The following HEXB variants were observed in gnomAD, a reference collection of about 807,000 sequenced individuals.
HEXB encodes the protein beta-hexosaminidase subunit beta.
Under a neutral mutation model 71.2 loss-of-function variants are expected in HEXB, and 51 were observed. The ratio of observed to expected loss-of-function variants is 0.72; its 90% CI spans 0.57 to 0.90. The LOEUF (loss-of-function observed/expected upper bound fraction) is 0.90. Among genes scored for constraint, HEXB ranks in the 40% least tolerant of loss-of-function variants. The pLI is 0.00. For synonymous variants in HEXB, 266 were observed against 249.3 expected (o/e 1.07, Z -0.63); for missense variants, 617 against 677.0 (o/e 0.91, Z 0.98).
Position 74,718,185 on chromosome 5 carries a change from A to T in HEXB, c.1170-106A>T, listed in dbSNP as rs1464921285. 1.3e-5 allele frequency: 11 copies of T among 816,184 alleles called. No homozygotes were observed. The Admixed American group carries it at 2.1e-4, about 15-fold the overall frequency. The allele number at this position is 816,184 out of a possible 1,614,324, so 50.6% of individuals were successfully genotyped here. A position where few individuals can be genotyped will look rare whatever the true frequency, so the allele number is the denominator to read the frequency against. ...CTGCTATAAAGCTGAACTATACTAA[A>T]AGGCACCTCTCAAAATGCAAGAAAT... On this transcript the variant is annotated intron_variant, in intron 9 of 13. Transcript: ENST00000261416.
chr5:74,677,898 G>A (rs200604880), intron 1 of HEXB, among the ~76,000 whole-genome samples: 1,533 of 152,094 alleles, frequency 0.01, 14 homozygotes, highest in Non-Finnish European at 0.017. Flanking sequence ...ATATCGCTCT[G>A]TATGTGGAAG....
At chr5:74,661,804 T>G (rs1364887692) in intron 1 of HEXB, among the ~76,000 whole-genome samples, 1 of 152,202 alleles carries the variant, frequency 6.6e-6, no homozygotes, top group Non-Finnish European at 1.5e-5. Flanking sequence ...AGTGGATAGT[T>G]CATTTTCCAT....
At chr5:74,646,818 C>T (rs1580356603) in intron 1 of HEXB, among the ~76,000 whole-genome samples, 1 of 152,314 alleles carries the variant, frequency 6.6e-6, no homozygotes, top group Non-Finnish European at 1.5e-5. Flanking sequence ...ACACCCACCT[C>T]AGCCTCCCAA....
intron 1 of HEXB, among the ~76,000 whole-genome samples, chr5:74,667,286 G>A (rs573538715): frequency 6.6e-6 from 1 of 152,156 alleles, no homozygotes; most frequent in South Asian, 2.1e-4. Flanking sequence ...AGGCATGGTG[G>A]TGCATGCCTG....
chr5:74,643,713 A>G (rs563009050), intron 1 of HEXB, among the ~76,000 whole-genome samples: 2 of 152,282 alleles, frequency 1.3e-5, no homozygotes, highest in Admixed American at 6.5e-5. Flanking sequence ...TTCCTAATTT[A>G]CACTTGGGCT....
intron 1 of HEXB, among the ~76,000 whole-genome samples, chr5:74,655,274 T>G (rs1406952041): frequency 6.6e-6 from 1 of 151,266 alleles, no homozygotes; most frequent in Non-Finnish European, 1.5e-5. Context: ...AACCAATACC[T>G]GGACAAACAT....
chr5:74,663,161 A>G (rs541578540), intron 1 of HEXB, among the ~76,000 whole-genome samples: 1 of 150,018 alleles, frequency 6.7e-6, no homozygotes, highest in Admixed American at 6.7e-5. Context: ...AATTACAAAG[A>G]TGACCTCTTT....
chr5:74,716,655 A>T lies in HEXB; in HGVS notation c.1151A>T (p.Glu384Val), dbSNP rs767621725. 8.1e-6 allele frequency: 13 copies of T among 1,603,760 alleles called. No individual in the cohort carries two copies. Among genetic ancestry groups the T allele is most frequent in the Non-Finnish European group, 8.5e-6 (10 of 1,172,880 alleles). ...TTTGGCACAGATTTTAAGAAACTAGAATCTTTCTACATTCAAAAGTAAGTT... is the reference window on the plus strand; with the variant it reads ...TTTGGCACAGATTTTAAGAAACTAGTATCTTTCTACATTCAAAAGTAAGTT... ...KGFGTDFKKL[E>V]SFYIQKVLDI... is the part of the protein sequence containing the mutation. Residue 384 changes from glutamate to valine, a missense_variant, in exon 9 of 14, where the codon GAA (glutamate) becomes GTA (valine). Glu to Val is a moderately radical substitution (Grantham distance 121, BLOSUM62 -2). Transcript: ENST00000261416.
chr5:74,649,789 A>G (rs1748069557), intron 1 of HEXB, among the ~76,000 whole-genome samples: 1 of 152,206 alleles, frequency 6.6e-6, no homozygotes, highest in African/African-American at 2.4e-5. Flanking sequence ...TCATTCTTTC[A>G]TTCTGGCACA....
intron 1 of HEXB, among the ~76,000 whole-genome samples, chr5:74,664,448 A>AAACAAAAAAAC (rs1748396398): frequency 7.9e-6 from 1 of 126,540 alleles, no homozygotes; most frequent in East Asian, 2.3e-4. Flanking sequence ...AAAAAAAAAA[A>AAACAAAAAAAC]AAAAACAGAG....
At chr5:74,682,600 G>T (rs1283463249), upstream of HEXB, among the ~76,000 whole-genome samples, 1 of 152,216 alleles carries the variant, frequency 6.6e-6, no homozygotes, top group African/African-American at 2.4e-5. Flanking sequence ...AGTATGCAAT[G>T]TGAAGTTGTA....
rs1035611821 is a variant in HEXB at position 74,689,828 on chromosome 5, C to T, written c.445+355C>T. On this transcript the variant is annotated intron_variant, in intron 2 of 13. Coordinates refer to ENST00000261416, the MANE Select transcript of HEXB (RefSeq NM_000521.4). ...ACATGAAAATGGCAGTAATTCTGTA[C>T]ATGTGCTTCTTGTATTTTTGTTGTA... 6.1e-5 allele frequency: 14 copies of T among 227,842 alleles called. 1 individual carries two copies. The highest frequency in any genetic ancestry group is 1.2e-4 in the Non-Finnish European group (14 of 115,894). The allele number at this position is 227,842 out of a possible 1,614,324, so 14.1% of individuals were successfully genotyped here.
In HEXB at chr5:74,652,271, C is replaced by T. The variant is rs745738199; in HGVS notation, c.-377+11713C>T. On this transcript the variant is annotated intron_variant, in intron 1 of 13. Transcript: ENST00000511181. The surrounding 1 kb of genome is among the most constrained non-coding windows in gnomAD (Gnocchi z 5.4). ...TCATGAGGAAACAGGGGCAATGATG[C>T]GTTTGAACTTGTGCAAGAATCCAGT... is the stretch of plus-strand genomic sequence containing the variant. Among the ~76,000 whole-genome samples, 17 of 152,160 alleles carry T rather than the reference C, an allele frequency of 1.1e-4. No homozygotes were observed. Among genetic ancestry groups the T allele is most frequent in the East Asian group, 5.8e-4 (3 of 5,192 alleles).
intron 1 of HEXB, among the ~76,000 whole-genome samples, chr5:74,647,321 T>C (rs565043012): frequency 6.6e-6 from 1 of 152,360 alleles, no homozygotes; most frequent in Non-Finnish European, 1.5e-5. Context: ...TGTCTGGGCA[T>C]GAAGAAGGGA....
intron 9 of HEXB, among the ~76,000 whole-genome samples, chr5:74,717,894 A>G (rs1749715806): frequency 6.6e-6 from 1 of 152,146 alleles, no homozygotes; most frequent in African/African-American, 2.4e-5. Context: ...GATTGTCAGT[A>G]ACTGTTACAT....
Position 74,720,282 on chromosome 5 carries a change from CAACCA to C in HEXB, c.1418-145_1418-141del, listed in dbSNP as rs1312978880. 8.7e-6 allele frequency: 6 copies of C among 690,710 alleles called. No homozygotes were observed. The African/African-American group carries it at 1.1e-4, about 12-fold the overall frequency. 42.8% of individuals were successfully genotyped at this position (690,710 alleles called of 1,614,324 possible). ...AGGAGGGGCCATCTTTTTTGTGCCA[CAACCA>C]TTAGCATCTCCCAAGGTCCTGCTAA... is the stretch of plus-strand genomic sequence containing the variant. On this transcript the variant is annotated intron_variant, in intron 11 of 13. Coordinates refer to ENST00000261416, the MANE Select transcript of HEXB (RefSeq NM_000521.4).
intron 11 of HEXB, 59 bp from the exon 12 acceptor site, chr5:74,720,369 A>G: frequency 8.2e-7 from 1 of 1,216,094 alleles, no homozygotes. Context: ...TCTTGATGAA[A>G]TATTGCCTCT....
chr5:74,686,259 G>GT (rs1488252273), intron 1 of HEXB, among the ~76,000 whole-genome samples: 1 of 152,150 alleles, frequency 6.6e-6, no homozygotes, highest in Non-Finnish European at 1.5e-5. Context: ...TGCAGACAGG[G>GT]TGAGTTTTGT....
chr5:74,685,380 G>C lies in HEXB; in HGVS notation c.120G>C (p.Ala40=). The C allele has an allele frequency of 6.3e-7, 1 of 1,591,966 alleles. No homozygotes were observed. The highest frequency in any genetic ancestry group is 8.5e-7 in the Non-Finnish European group (1 of 1,170,884). Residue 40 remains alanine (A), a synonymous_variant, in exon 1 of 14, where the codon GCG becomes GCC. Coordinates refer to ENST00000261416, the MANE Select transcript of HEXB (RefSeq NM_000521.4). ...AGGTGGCGCTGGTGGTGCAGGTGGC[G>C]GAGGCGGCTCGGGCCCCGAGCGTCT... The part of the protein sequence containing the change: ...LTQVALVVQV[A]EAARAPSVSA...
Sources: gnomAD v4.1 joint callset for allele counts (sites outside exome capture counted in the v4.1 genomes callset) on GRCh38, gnomAD v4.1.1 for gene constraint, Gnocchi (gnomAD v3.1) non-coding constraint, MANE v1.5 for transcripts, NCBI Gene and HGNC (gene_info 2026-07-23, HGNC 2026-07-21) for gene names.